TENM2: variants seen among roughly 807,000 people sequenced by gnomAD.
TENM2 encodes the protein teneurin transmembrane protein 2.
In TENM2, 52 loss-of-function variants were observed where a neutral mutation model predicts 245.2. That is an observed-to-expected ratio of 0.21 (90% confidence interval 0.17 to 0.27). TENM2 has a LOEUF of 0.27. Among genes scored for constraint, TENM2 ranks in the 10% least tolerant of loss-of-function variants. The probability of loss-of-function intolerance (pLI) is 1.00; values close to 1 mark genes in which losing one functional copy is unlikely to be tolerated. For synonymous variants in TENM2, 1,363 were observed against 1,438.9 expected (o/e 0.95, Z 1.19); for missense variants, 3,046 against 3,666.8 (o/e 0.83, Z 4.37).
At chr5:167,452,945 A>G (rs865918123) in intron 2 of TENM2, among the ~76,000 whole-genome samples, 1 of 6,292 alleles carries the variant, frequency 1.6e-4, no homozygotes, top group South Asian at 0.012. Flanking sequence ...ATATATATAT[A>G]TATATATATA....
Position 167,519,817 on chromosome 5 carries a change from C to T in TENM2, c.502+144344C>T, listed in dbSNP as rs556078761. Among the ~76,000 whole-genome samples the T allele has an allele frequency of 5.9e-5, 9 of 152,208 alleles. No individual in the cohort carries two copies. The South Asian group carries it at 1.5e-3, about 25-fold the overall frequency. On this transcript the variant is annotated intron_variant, in intron 2 of 28. Transcript: ENST00000518659. ...TTGTTTTTTAAACACACACAAACATCTCTACACACACAGTCAGTTCGGATT... is the reference window on the plus strand; with the variant it reads ...TTGTTTTTTAAACACACACAAACATTTCTACACACACAGTCAGTTCGGATT...
chr5:168,211,887 C>T, intron 20 of TENM2, 133 bp downstream of exon 22: 3 of 563,148 alleles, frequency 5.3e-6, no homozygotes, highest in Non-Finnish European at 9.3e-6. Context: ...TTTTTATGTG[C>T]TAATTGTGTG....
chr5:167,331,363 T>C (rs1407390740), intron 1 of TENM2, among the ~76,000 whole-genome samples: 1 of 152,142 alleles, frequency 6.6e-6, no homozygotes, highest in African/African-American at 2.4e-5. Context: ...AATTAATGGC[T>C]AAATCTGAAA....
intron 2 of TENM2, among the ~76,000 whole-genome samples, chr5:167,398,559 G>A (rs1211638813): frequency 6.6e-6 from 1 of 151,718 alleles, no homozygotes; most frequent in Non-Finnish European, 1.5e-5. Context: ...AGCCTCCCGA[G>A]CAGCTGAGAT....
chr5:168,232,587 C>T (rs1209169320), intron 25 of TENM2, among the ~76,000 whole-genome samples: 7 of 152,168 alleles, frequency 4.6e-5, no homozygotes, highest in Non-Finnish European at 8.8e-5. Flanking sequence ...TGAACGTCCC[C>T]GGGACTGGCA....
chr5:167,378,294 C>G (rs1760885396), intron 2 of TENM2, among the ~76,000 whole-genome samples: 1 of 152,096 alleles, frequency 6.6e-6, no homozygotes, highest in East Asian at 1.9e-4. Context: ...GTGCTTCCTA[C>G]ATGCTGCTGT....
At chr5:167,742,778 C>G (rs1354314530) in intron 2 of TENM2, among the ~76,000 whole-genome samples, 4 of 150,348 alleles carry the variant, frequency 2.7e-5, no homozygotes, top group Non-Finnish European at 5.9e-5. Context: ...TACCTACCAT[C>G]TCTACCAAAA....
the TENM2 span, among the ~76,000 whole-genome samples, chr5:167,180,315 G>C: frequency 3.2e-4 from 48 of 151,984 alleles, 1 homozygote; most frequent in East Asian, 8.7e-3. Context: ...CTCCACGTTG[G>C]TCAGGCTGGT....
intron 5 of TENM2, among the ~76,000 whole-genome samples, chr5:168,042,199 A>G (rs998684121): frequency 1.3e-5 from 2 of 152,026 alleles, no homozygotes; most frequent in African/African-American, 2.4e-5. Context: ...CCCAGCAGGC[A>G]TGGCTCTCTC....
intron 1 of TENM2, among the ~76,000 whole-genome samples, chr5:167,358,019 A>C (rs1055723754): frequency 3.3e-5 from 5 of 152,342 alleles, no homozygotes; most frequent in Non-Finnish European, 7.4e-5. Context: ...CCACTGGTCT[A>C]TTAGAGGTTG....
At chr5:167,014,601 G>A in the TENM2 span, among the ~76,000 whole-genome samples, 2 of 152,150 alleles carry the variant, frequency 1.3e-5, no homozygotes, top group East Asian at 1.9e-4. Context: ...GTAATAACTA[G>A]CAGAACCCTG....
Position 168,202,074 on chromosome 5 carries a change from A to T in TENM2, c.3431-1615A>T, listed in dbSNP as rs1761987070. Among the ~76,000 whole-genome samples, 6 of 152,128 alleles carry T rather than the reference A, an allele frequency of 3.9e-5. No homozygotes were observed. In the South Asian group the frequency reaches 1.2e-3, roughly 32 times the overall value. ...CCTAAAGTCAAGTTGTGTATTTTTTAGAGATTTCAGTAGCCATTGATGCTC... is the reference window on the plus strand; with the variant it reads ...CCTAAAGTCAAGTTGTGTATTTTTTTGAGATTTCAGTAGCCATTGATGCTC... On this transcript the variant is annotated intron_variant, in intron 17 of 28. Transcript: ENST00000518659.
the TENM2 span, among the ~76,000 whole-genome samples, chr5:167,117,922 GCAAC>G: frequency 6.6e-6 from 1 of 151,502 alleles, no homozygotes; most frequent in Admixed American, 6.6e-5. Context: ...TAGAAGTTAG[GCAAC>G]CAAGGAAGTC....
intron 17 of TENM2, among the ~76,000 whole-genome samples, chr5:168,203,294 A>G (rs1179136014): frequency 6.6e-6 from 1 of 152,242 alleles, no homozygotes; most frequent in Non-Finnish European, 1.5e-5. Context: ...TAAATAACAC[A>G]AAATATAATA....
At chr5:167,495,887 T>C (rs1768782973) in intron 2 of TENM2, among the ~76,000 whole-genome samples, 1 of 152,132 alleles carries the variant, frequency 6.6e-6, no homozygotes, top group Admixed American at 6.6e-5. Context: ...AATTATGTCA[T>C]TGGTTAAAAA....
chr5:167,129,226 G>A, the TENM2 span, among the ~76,000 whole-genome samples: 1 of 152,156 alleles, frequency 6.6e-6, no homozygotes, highest in South Asian at 2.1e-4. Context: ...GGCGTGCTGG[G>A]TGAGCATGCT....
chr5:167,860,846 A>G (rs1771723544), intron 2 of TENM2, among the ~76,000 whole-genome samples: 1 of 102,638 alleles, frequency 9.7e-6, no homozygotes. Context: ...TGAAGGCAGC[A>G]TGCTCGTTAA....
chr5:167,904,025 A>T (rs1381093647), intron 3 of TENM2, among the ~76,000 whole-genome samples: 1 of 152,216 alleles, frequency 6.6e-6, no homozygotes, highest in African/African-American at 2.4e-5. Context: ...CTGAGCGGTC[A>T]ATTTAATCTA....
intron 2 of TENM2, among the ~76,000 whole-genome samples, chr5:167,864,279 G>A (rs1021471570): frequency 6.6e-6 from 1 of 152,086 alleles, no homozygotes; most frequent in Admixed American, 6.5e-5. Context: ...TAATGAGAAT[G>A]AAAACAATTA....
Sources: gnomAD v4.1 joint callset for allele counts (sites outside exome capture counted in the v4.1 genomes callset) on GRCh38, gnomAD v4.1.1 for gene constraint, MANE v1.5 for transcripts, NCBI Gene and HGNC (gene_info 2026-07-23, HGNC 2026-07-21) for gene names.